CYP3A4: variants seen among roughly 807,000 people sequenced by gnomAD.
CYP3A4 encodes the protein cytochrome P450 family 3 subfamily A member 4.
CYP3A4 carries 41 observed loss-of-function variants against 54.9 expected under a neutral mutation model. That is an observed-to-expected ratio of 0.75 (90% confidence interval 0.58 to 0.97). The LOEUF (loss-of-function observed/expected upper bound fraction) is 0.97. Among genes scored for constraint, CYP3A4 ranks in the 50% least tolerant of loss-of-function variants. CYP3A4 has a pLI of 0.00. For synonymous variants in CYP3A4, 179 were observed against 205.2 expected (o/e 0.87, Z 1.09); for missense variants, 510 against 597.3 (o/e 0.85, Z 1.52).
At chr7:99,768,816 A>G (rs1320489448) in intron 6 of CYP3A4, among the ~76,000 whole-genome samples, 2 of 152,198 alleles carry the variant, frequency 1.3e-5, no homozygotes, top group Non-Finnish European at 2.9e-5. Flanking sequence ...TGGATGATAC[A>G]AGATGGGTAA....
intron 11 of CYP3A4, among the ~76,000 whole-genome samples, chr7:99,761,761 TAA>T (rs1355891465): frequency 1.3e-5 from 2 of 152,190 alleles, no homozygotes; most frequent in South Asian, 4.1e-4. Context: ...CATGTGTTTT[TAA>T]AAGAGTCCTT....
In CYP3A4 at chr7:99,757,864, TG is replaced by T. The variant is rs996258143; in HGVS notation, c.*268del. ...CTCAGGAGGAGTTAATGGTGCTAAC[TG>T]GGGGTGGTGGAAATAGTCCCGTGAG... On this transcript the variant is annotated 3_prime_UTR_variant, in exon 13 of 13. Transcript: ENST00000651514. 4.2e-5 allele frequency: 16 copies of T among 382,818 alleles called. No individual in the cohort carries two copies. Among genetic ancestry groups the T allele is most frequent in the Non-Finnish European group, 7.7e-5 (16 of 207,190 alleles). The allele number at this position is 382,818 out of a possible 1,614,324, so 23.7% of individuals were successfully genotyped here. A position where few individuals can be genotyped will look rare whatever the true frequency, so the allele number is the denominator to read the frequency against.
At chr7:99,766,273 T>C (rs1409571047) in intron 9 of CYP3A4, 104 bp downstream of exon 9, 2 of 1,357,808 alleles carry the variant, frequency 1.5e-6, no homozygotes, top group Admixed American at 3.7e-5. Flanking sequence ...CGTTCTGCTA[T>C]GTGGCAGAAA....
chr7:99,760,790 A>G, intron 12 of CYP3A4, 29 bp downstream of exon 12: 1 of 1,609,668 alleles, frequency 6.2e-7, no homozygotes, highest in Non-Finnish European at 8.5e-7. Flanking sequence ...TTATTAATAC[A>G]ACATTATTTT....
At chr7:99,778,873 G>A (rs967913713) in intron 2 of CYP3A4, among the ~76,000 whole-genome samples, 5 of 152,196 alleles carry the variant, frequency 3.3e-5, no homozygotes, top group African/African-American at 7.2e-5. Context: ...AAAAGGTGGC[G>A]GGGAAATTAT....
rs1815354741 is a variant in CYP3A4 at position 99,762,200 on chromosome 7, C to G, written c.1094G>C (p.Arg365Thr). 2 of 1,613,970 alleles carry G rather than the reference C, an allele frequency of 1.2e-6. No individual in the cohort carries two copies. ...AAGTCTCATAGCAATTGGGAATAAT[C>G]TGAGCGTTTCATTCACCACCATGTC... The part of the protein sequence containing the change: ...YLDMVVNETL[R>T]LFPIAMRLER... Residue 365 changes from arginine (R) to threonine (T), a missense_variant, in exon 11 of 13, where the codon AGA becomes ACA. Around this residue, in one of 2 missense-constraint regions of CYP3A4, gnomAD observed 238 missense variants for 322.5 expected, o/e 0.74. Coordinates refer to ENST00000651514, the MANE Select transcript of CYP3A4 (RefSeq NM_017460.6).
chr7:99,777,912 G>T, intron 3 of CYP3A4, 116 bp downstream of exon 3: 1 of 803,138 alleles, frequency 1.2e-6, no homozygotes, highest in Non-Finnish European at 2.1e-6. Flanking sequence ...TCTGTTTGTA[G>T]TTAGGTTGAC....
chr7:99,762,154 A>G lies in CYP3A4; in HGVS notation c.1140T>C (p.Asp380=), dbSNP rs1248612726. 7 of 1,614,074 alleles carry G rather than the reference A, an allele frequency of 4.3e-6. No individual in the cohort carries two copies. The East Asian group carries it at 1.6e-4, about 36-fold the overall frequency. Reference sequence around the variant, plus strand: ...GAATGAACATCCCATTGATCTCAACATCTTTTTTGCAGACCCTCTCAAGTC... The same window carrying G: ...GAATGAACATCCCATTGATCTCAACGTCTTTTTTGCAGACCCTCTCAAGTC... The part of the protein sequence containing the change: ...AMRLERVCKK[D]VEINGMFIPK... Residue 380 remains aspartate (D), a synonymous_variant, in exon 11 of 13, where the codon GAT becomes GAC. Transcript: ENST00000651514.
intron 3 of CYP3A4, among the ~76,000 whole-genome samples, chr7:99,773,590 A>C (rs933858313): frequency 6.6e-6 from 1 of 152,238 alleles, no homozygotes; most frequent in African/African-American, 2.4e-5. Flanking sequence ...TTGCTCCTGA[A>C]TGACTACTGG....
Position 99,784,097 on chromosome 7 carries a change from T to G in CYP3A4, c.-16A>C. 1 of 1,610,540 alleles carries G rather than the reference T, an allele frequency of 6.2e-7. No homozygotes were observed. Among genetic ancestry groups the G allele is most frequent in the Non-Finnish European group, 8.5e-7 (1 of 1,176,792 alleles). On this transcript the variant is annotated 5_prime_UTR_variant, in exon 1 of 13. Coordinates refer to ENST00000651514, the MANE Select transcript of CYP3A4 (RefSeq NM_017460.6). ...TGAGAGCCATCACTACTTTCCTTAC[T>G]TATCTCTCTCCTCTGAGTCTTCCTT... is the stretch of plus-strand genomic sequence containing the variant.
intron 4 of CYP3A4, among the ~76,000 whole-genome samples, chr7:99,771,967 AAGC>A (rs1392483917): frequency 1.5e-4 from 23 of 152,244 alleles, no homozygotes; most frequent in Non-Finnish European, 3.2e-4. Context: ...ACATTTAGTA[AAGC>A]ATTAAACTTT....
At chr7:99,775,885 T>G (rs1304729543) in intron 3 of CYP3A4, among the ~76,000 whole-genome samples, 1 of 152,142 alleles carries the variant, frequency 6.6e-6, no homozygotes, top group African/African-American at 2.4e-5. Context: ...CAAAAGAAAC[T>G]ATCATCAGAG....
rs1815876695 is a variant in CYP3A4, at chr7:99,780,018, A to G, written c.139T>C (p.Leu47=). ...TTATGGTAGGACAAAATATTTCCCA[A>G]AAAAGGCAGAGGTGTGGGCCCTGGA... The part of the protein sequence containing the change: ...GIPGPTPLPF[L]GNILSYHKGF... The change falls in exon 2 of 13, where the codon TTG becomes CTG. Residue 47 remains leucine (L), a synonymous_variant. Coordinates refer to ENST00000651514, the MANE Select transcript of CYP3A4 (RefSeq NM_017460.6). 3 of 1,613,630 alleles carry G rather than the reference A, an allele frequency of 1.9e-6. No homozygotes were observed. Among genetic ancestry groups the G allele is most frequent in the Non-Finnish European group, 2.5e-6 (3 of 1,179,652 alleles).
intron 2 of CYP3A4, among the ~76,000 whole-genome samples, chr7:99,778,591 G>A (rs1056102585): frequency 2.6e-5 from 4 of 152,214 alleles, no homozygotes; most frequent in Non-Finnish European, 5.9e-5. Context: ...ATTTAGGTAA[G>A]TATGAGGCAT....
At chr7:99,760,025 C>T (rs561560796) in intron 12 of CYP3A4, among the ~76,000 whole-genome samples, 70 of 152,110 alleles carry the variant, frequency 4.6e-4, no homozygotes, top group Non-Finnish European at 9.0e-4. Flanking sequence ...TTAGTAGAGA[C>T]GGGGTTTCAC....
At chr7:99,762,370 C>T in intron 10 of CYP3A4, 103 bp from the exon 11 acceptor site, 2 of 1,416,974 alleles carry the variant, frequency 1.4e-6, no homozygotes, top group Non-Finnish European at 1.9e-6. Context: ...GAGACTAACT[C>T]ATACTGGTAA....
chr7:99,765,413 GATA>G (rs1563040643), intron 9 of CYP3A4, among the ~76,000 whole-genome samples: 1 of 152,094 alleles, frequency 6.6e-6, no homozygotes. Flanking sequence ...ATGATAGATA[GATA>G]ATATATAAGT....
At chr7:99,778,997 T>C (rs917617469) in intron 2 of CYP3A4, among the ~76,000 whole-genome samples, 7 of 152,178 alleles carry the variant, frequency 4.6e-5, no homozygotes, top group Non-Finnish European at 1.0e-4. Context: ...GGAAAGATGA[T>C]GTAAGCCAAA....
At chr7:99,764,465 G>A (rs1226496797) in intron 9 of CYP3A4, among the ~76,000 whole-genome samples, 1 of 152,168 alleles carries the variant, frequency 6.6e-6, no homozygotes, top group African/African-American at 2.4e-5. Flanking sequence ...AACACTAATG[G>A]TTAAATGTAG....
Sources: gnomAD v4.1 joint callset for allele counts (sites outside exome capture counted in the v4.1 genomes callset) on GRCh38, gnomAD v4.1.1 for gene constraint, gnomAD v4.1.1 regional missense constraint, MANE v1.5 for transcripts, NCBI Gene and HGNC (gene_info 2026-07-23, HGNC 2026-07-21) for gene names.